Variants in WDR82 observed in about 807,000 individuals in gnomAD.
WDR82 encodes WD repeat-containing protein 82.
Under a neutral mutation model 36.1 loss-of-function variants are expected in WDR82, and 8 were observed. That is an observed-to-expected ratio of 0.22 (90% CI 0.13 to 0.40). The LOEUF (loss-of-function observed/expected upper bound fraction) is 0.40. Among genes scored for constraint, WDR82 ranks in the 10% least tolerant of loss-of-function variants. WDR82 has a pLI of 1.00. For synonymous variants in WDR82, 129 were observed against 137.8 expected, an observed-to-expected ratio of 0.94 and a Z score of 0.45; for missense variants, 185 against 400.5, an observed-to-expected ratio of 0.46 and a Z score of 4.59.
chr3:52,258,084 A>G (rs768995498), intron 8 of WDR82, among the ~76,000 whole-genome samples: 2 of 152,188 alleles, frequency 1.3e-5, no homozygotes, highest in Admixed American at 6.5e-5. Flanking sequence ...AGTATTATCT[A>G]GGAAGAGATA....
chr3:52,257,547 A>T, intron 8 of WDR82, 28 bp from the exon 9 acceptor site: 1 of 1,614,106 alleles, frequency 6.2e-7, no homozygotes, highest in African/African-American at 1.3e-5. Context: ...ATCAACTTTA[A>T]AAAGCCAAGC....
At chr3:52,261,612 A>G in intron 3 of WDR82, 133 bp from the exon 4 acceptor site, 1 of 625,054 alleles carries the variant, frequency 1.6e-6, no homozygotes. Flanking sequence ...GAAACACAAT[A>G]AAACACACAT....
intron 5 of WDR82, 75 bp downstream of exon 5, chr3:52,260,310 T>G: frequency 8.7e-7 from 1 of 1,144,324 alleles, no homozygotes; most frequent in Non-Finnish European, 1.2e-6. Context: ...GCCTGGGCAA[T>G]AAGAGCAAAA....
chr3:52,255,983 T>C lies in WDR82; in HGVS notation c.*1507A>G, dbSNP rs780702995. 8 of 153,290 alleles carry C rather than the reference T, an allele frequency of 5.2e-5. No individual in the cohort carries two copies. The highest frequency in any genetic ancestry group is 2.6e-4 in the Admixed American group (4 of 15,282). 9.5% of individuals were successfully genotyped at this position (153,290 alleles called of 1,614,324 possible). ...GGCCTCAAACAAACTGCAAATGCTC[T>C]GGCTTCAGCACCTTATCCCCAAATG... is the stretch of plus-strand genomic sequence containing the variant. On this transcript the variant is annotated 3_prime_UTR_variant, in exon 9 of 9. Transcript: ENST00000296490.
intron 1 of WDR82, among the ~76,000 whole-genome samples, chr3:52,274,266 A>C (rs1474292852): frequency 6.6e-6 from 1 of 152,234 alleles, no homozygotes; most frequent in Non-Finnish European, 1.5e-5. Flanking sequence ...AGGGTCATCT[A>C]ATAAAGATAC....
intron 2 of WDR82, 90 bp downstream of exon 2, chr3:52,270,622 G>T: frequency 1.1e-6 from 1 of 930,546 alleles, no homozygotes; most frequent in Non-Finnish European, 1.6e-6. Flanking sequence ...TTAAACTAAA[G>T]TAGTCACAAA....
intron 7 of WDR82, 43 bp downstream of exon 7, chr3:52,259,154 G>A: frequency 6.5e-7 from 1 of 1,536,918 alleles, no homozygotes; most frequent in Non-Finnish European, 9.0e-7. Context: ...GAAATGCATA[G>A]TACCAGAGAA....
At chr3:52,275,923 A>G (rs1700199248) in intron 1 of WDR82, among the ~76,000 whole-genome samples, 1 of 152,176 alleles carries the variant, frequency 6.6e-6, no homozygotes. Flanking sequence ...TTTAGGGATA[A>G]AGGGGCTTGA....
chr3:52,271,767 A>C (rs867985000), intron 1 of WDR82, among the ~76,000 whole-genome samples: 5 of 152,340 alleles, frequency 3.3e-5, no homozygotes, highest in South Asian at 2.1e-4. Context: ...AAACCAGTTA[A>C]ATAGTTCCTT....
At chr3:52,277,087 A>G (rs1159097672) in intron 1 of WDR82, among the ~76,000 whole-genome samples, 3 of 148,544 alleles carry the variant, frequency 2.0e-5, no homozygotes, top group Non-Finnish European at 4.5e-5. Flanking sequence ...TAATAATAAT[A>G]ATAATAATAA....
At chr3:52,270,319 C>A (rs899764348) in intron 2 of WDR82, among the ~76,000 whole-genome samples, 1 of 152,186 alleles carries the variant, frequency 6.6e-6, no homozygotes, top group Non-Finnish European at 1.5e-5. Flanking sequence ...AAGGTTTCAC[C>A]ATATCGGCCA....
chr3:52,265,154 G>A (rs1700094084), intron 3 of WDR82, among the ~76,000 whole-genome samples: 1 of 151,728 alleles, frequency 6.6e-6, no homozygotes, highest in South Asian at 2.1e-4. Context: ...CAAAAAACTA[G>A]CGGGGCTTGG....
chr3:52,275,839 AC>A (rs1382336834), intron 1 of WDR82, among the ~76,000 whole-genome samples: 1 of 151,722 alleles, frequency 6.6e-6, no homozygotes, highest in Admixed American at 6.6e-5. Flanking sequence ...AGCCAAGATC[AC>A]GCCACTGCAC....
chr3:52,258,423 TG>T lies in WDR82; in HGVS notation c.912+112del. The T allele has an allele frequency of 3.3e-6, 4 of 1,227,092 alleles. No individual in the cohort carries two copies. In the South Asian group the frequency reaches 4.0e-5, roughly 12 times the overall value. The allele number at this position is 1,227,092 out of a possible 1,614,324, so 76.0% of individuals were successfully genotyped here. On this transcript the variant is annotated intron_variant, in intron 8 of 8. Transcript: ENST00000296490. ...AACCACCAGTTGAGAAACATGTACT[TG>T]GATGCTTGTAATGTACCTATGTAGA...
Position 52,257,198 on chromosome 3 carries a change from C to G in WDR82, c.*292G>C. The G allele has an allele frequency of 2.2e-6, 1 of 458,726 alleles. No individual in the cohort carries two copies. The highest frequency in any genetic ancestry group is 3.9e-6 in the Non-Finnish European group (1 of 254,994). 28.4% of individuals were successfully genotyped at this position (458,726 alleles called of 1,614,324 possible). ...CATTCAAATTGAAGATGCTTGAGAGCCCCACTATACCAAATCGTGAGTCTG... is the reference window on the plus strand; with the variant it reads ...CATTCAAATTGAAGATGCTTGAGAGGCCCACTATACCAAATCGTGAGTCTG... On this transcript the variant is annotated 3_prime_UTR_variant, in exon 9 of 9. Transcript: ENST00000296490.
At chr3:52,271,389 T>C (rs1700152187) in intron 1 of WDR82, among the ~76,000 whole-genome samples, 1 of 151,372 alleles carries the variant, frequency 6.6e-6, no homozygotes, top group Non-Finnish European at 1.5e-5. Flanking sequence ...GTCAGGTTTG[T>C]GTAAGTACAC....
At chr3:52,266,906 C>G in intron 3 of WDR82, 46 bp downstream of exon 3, 2 of 1,530,978 alleles carry the variant, frequency 1.3e-6, no homozygotes, top group South Asian at 2.3e-5. Context: ...TCTGGGTAAC[C>G]TCAGGGATAA....
intron 2 of WDR82, chr3:52,268,480 C>A: frequency 5.7e-6 from 2 of 350,636 alleles, no homozygotes; most frequent in South Asian, 4.2e-5. Flanking sequence ...CACACATTTG[C>A]CTCATCTTGC....
intron 3 of WDR82, among the ~76,000 whole-genome samples, chr3:52,263,467 T>C (rs1039416424): frequency 2.0e-5 from 3 of 152,276 alleles, no homozygotes; most frequent in South Asian, 4.2e-4. Context: ...AATGAAAATA[T>C]AGAGAACCAT....
Sources: allele counts gnomAD v4.1 joint callset (sites outside exome capture counted in the v4.1 genomes callset), GRCh38; gene constraint gnomAD v4.1.1; transcripts MANE v1.5; gene names NCBI Gene and HGNC (gene_info 2026-07-23, HGNC 2026-07-21).